CENPO: variants seen among roughly 807,000 people sequenced by gnomAD.
CENPO encodes the protein centromere protein O.
In CENPO, 30 loss-of-function variants were observed where a neutral mutation model predicts 36.1. The observed-to-expected ratio is 0.83, with a 90% CI of 0.62 to 1.13. The LOEUF is 1.13. CENPO is among the 50% of genes most tolerant of loss of function. The pLI is 0.00. For synonymous variants in CENPO, 171 were observed against 142.3 expected, an observed-to-expected ratio of 1.20 and a Z score of -1.44; for missense variants, 349 against 357.8, an observed-to-expected ratio of 0.98 and a Z score of 0.20.
rs1667291542 is a variant in CENPO at position 24,819,929 on chromosome 2, C to T, written c.*611C>T. On this transcript the variant is annotated 3_prime_UTR_variant, in exon 8 of 8. Transcript: ENST00000380834. The stretch of plus-strand genomic sequence containing the variant: ...GTTTGGACTGTTGCAGGCTCGAGGC[C>T]ATTCAGGAGTTGTCCACCACCTGGT... The T allele has an allele frequency of 1.2e-6, 2 of 1,613,062 alleles. No homozygotes were observed. The highest frequency in any genetic ancestry group is 1.3e-5 in the African/African-American group (1 of 74,816).
intron 3 of CENPO, among the ~76,000 whole-genome samples, chr2:24,805,526 T>C (rs1002227824): frequency 6.6e-6 from 1 of 152,216 alleles, no homozygotes; most frequent in Admixed American, 6.5e-5. Flanking sequence ...TTTCTGTTTG[T>C]TAGTTTTCCT....
chr2:24,812,140 CTT>C (rs1280652770), intron 3 of CENPO, among the ~76,000 whole-genome samples: 2 of 152,098 alleles, frequency 1.3e-5, no homozygotes, highest in East Asian at 3.8e-4. Context: ...CTGAAGACAT[CTT>C]TATTTCACTA....
At chr2:24,807,395 C>T (rs1172994572) in intron 3 of CENPO, among the ~76,000 whole-genome samples, 1 of 152,176 alleles carries the variant, frequency 6.6e-6, no homozygotes, top group African/African-American at 2.4e-5. Flanking sequence ...TTAAAAAGTA[C>T]AAACTCTTAT....
At position 24,819,740 on chromosome 2, in the gene CENPO, A is replaced by C; in HGVS notation, c.*422A>C. On this transcript the variant is annotated 3_prime_UTR_variant, in exon 8 of 8. Transcript: ENST00000380834. ...TATGCCTAAGACCCCTATGCTGGGG[A>C]CACTACAGGCACACACAGGAATAGC... 1 of 610,252 alleles carries C rather than the reference A, an allele frequency of 1.6e-6. No homozygotes were observed. Among genetic ancestry groups the C allele is most frequent in the East Asian group, 3.0e-5 (1 of 33,478 alleles). 37.8% of individuals were successfully genotyped at this position (610,252 alleles called of 1,614,324 possible).
intron 3 of CENPO, among the ~76,000 whole-genome samples, chr2:24,810,510 T>C (rs962552037): frequency 2.0e-5 from 3 of 149,926 alleles, no homozygotes; most frequent in Non-Finnish European, 4.5e-5. Flanking sequence ...TAAGGTTTTT[T>C]TTTTTTTTTT....
At chr2:24,814,701 C>G in intron 4 of CENPO, 1 of 545,970 alleles carries the variant, frequency 1.8e-6, no homozygotes, top group Admixed American at 3.1e-5. Flanking sequence ...ATTGACTGGC[C>G]CCTTTGTACA....
chr2:24,804,232 A>G (rs7420918), intron 3 of CENPO, among the ~76,000 whole-genome samples: 85,424 of 151,892 alleles, frequency 0.56, 26,022 homozygotes, highest in East Asian at 0.81. Context: ...GTCTCTGCAC[A>G]TGAGATGGGT....
At chr2:24,797,844 CTG>C (rs1408171285) in intron 2 of CENPO, among the ~76,000 whole-genome samples, 1 of 152,142 alleles carries the variant, frequency 6.6e-6, no homozygotes, top group Admixed American at 6.5e-5. Flanking sequence ...ATGGATATCA[CTG>C]TTGATCTTAG....
At chr2:24,810,834 T>A (rs1666643259) in intron 3 of CENPO, among the ~76,000 whole-genome samples, 1 of 152,198 alleles carries the variant, frequency 6.6e-6, no homozygotes. Flanking sequence ...TCTGTCTTTC[T>A]GCTTCCAATC....
In CENPO at chr2:24,816,771, G is replaced by C. The variant is rs369166234; in HGVS notation, c.720G>C (p.Lys240Asn). Residue 240 changes from lysine to asparagine, a missense_variant, in exon 6 of 8, where the codon AAG (lysine) becomes AAC (asparagine). Lys to Asn is a moderately conservative substitution (Grantham distance 94, BLOSUM62 0). Transcript: ENST00000380834. ...SFPFCARLLY[K>N]DLTATLPTDV... Reference sequence around the variant, plus strand: ...CGTTCTGTGCTAGATTGCTGTATAAGGACCTCACAGCAACTCTTCCCACTG... The same window carrying C: ...CGTTCTGTGCTAGATTGCTGTATAACGACCTCACAGCAACTCTTCCCACTG... 6.2e-6 allele frequency: 10 copies of C among 1,609,660 alleles called. No homozygotes were observed. The African/African-American group carries it at 1.3e-4, about 22-fold the overall frequency.
Position 24,814,391 on chromosome 2 carries a change from G to C in CENPO, c.232G>C (p.Ala78Pro), listed in dbSNP as rs1475057610. The C allele has an allele frequency of 8.9e-6, 14 of 1,573,924 alleles. No homozygotes were observed. The highest frequency in any genetic ancestry group is 1.3e-5 in the African/African-American group (1 of 74,122). The change falls in exon 4 of 8, where the codon GCC becomes CCC. Residue 78 changes from alanine (A) to proline (P), a missense_variant. Transcript: ENST00000380834. ...HRRASVKACI[A>P]NVEPNQTVEI... The stretch of plus-strand genomic sequence containing the variant: ...TATCTTGCAGGTGAAAGCATGTATT[G>C]CCAATGTAGAACCCAACCAAACAGT...
chr2:24,815,781 C>G (rs201667046), intron 5 of CENPO, 25 bp downstream of exon 5: 2 of 1,609,192 alleles, frequency 1.2e-6, no homozygotes, highest in Non-Finnish European at 1.7e-6. Context: ...TGTTATATGC[C>G]TCATCCGTGG....
Position 24,819,972 on chromosome 2 carries a change from G to A in CENPO, c.*654G>A. On this transcript the variant is annotated 3_prime_UTR_variant, in exon 8 of 8. Coordinates refer to ENST00000380834, the MANE Select transcript of CENPO (RefSeq NM_001322101.2). ...CACCTGGTGGGGCAGTGTGACAGAG[G>A]GGCCATTGGGGAAGGTGGCTAGCTT... is the stretch of plus-strand genomic sequence containing the variant. 1.2e-6 allele frequency: 2 copies of A among 1,613,770 alleles called. No homozygotes were observed. The highest frequency in any genetic ancestry group is 8.5e-7 in the Non-Finnish European group (1 of 1,179,862).
intron 2 of CENPO, 26 bp downstream of exon 2, chr2:24,793,991 CCTG>C (rs1665764423): frequency 1.3e-6 from 2 of 1,539,850 alleles, no homozygotes; most frequent in South Asian, 2.2e-5. Flanking sequence ...CCGCCTCCTT[CCTG>C]CTGCTGCCCA....
intron 3 of CENPO, among the ~76,000 whole-genome samples, chr2:24,812,840 C>T (rs77872657): frequency 0.045 from 6,696 of 147,284 alleles, 231 homozygotes; most frequent in Middle Eastern, 0.067. Flanking sequence ...GGCATCTGTT[C>T]TGTTGTCTTC....
chr2:24,799,722 C>T lies in CENPO; in HGVS notation c.94C>T (p.Arg32Cys), dbSNP rs143782986. ...ERLETQVSRS[R>C]KQSEELQSVQ... ...GCTAGAGACCCAAGTGAGCAGATCC[C>T]GTAAACAGTCTGAAGAGCTGCAGAG... The change falls in exon 3 of 8, where the codon CGT (arginine) becomes TGT (cysteine). Residue 32 changes from arginine (R) to cysteine (C), a missense_variant. Arg to Cys is a radical substitution (Grantham distance 180). Transcript: ENST00000380834. The T allele has an allele frequency of 4.0e-5, 65 of 1,614,034 alleles. No homozygotes were observed. In the African/African-American group the frequency reaches 7.2e-4, roughly 18 times the overall value.
At chr2:24,816,020 G>C (rs373115571) in intron 5 of CENPO, 1 of 462,344 alleles carries the variant, frequency 2.2e-6, no homozygotes, top group South Asian at 2.3e-5. Context: ...AGATTGTACA[G>C]AGTGCAGTTG....
chr2:24,820,277 G>C lies in CENPO; in HGVS notation c.*959G>C. On this transcript the variant is annotated 3_prime_UTR_variant, in exon 8 of 8. Coordinates refer to ENST00000380834, the MANE Select transcript of CENPO (RefSeq NM_001322101.2). ...GGCCAAGCCCTTCCACCCGTGGCGA[G>C]CAGCGGGTGGGAAGGAGAACCCTGG... is the stretch of plus-strand genomic sequence containing the variant. 1 of 1,235,710 alleles carries C rather than the reference G, an allele frequency of 8.1e-7. No individual in the cohort carries two copies. Among genetic ancestry groups the C allele is most frequent in the Non-Finnish European group, 1.1e-6 (1 of 948,718 alleles). The allele number at this position is 1,235,710 out of a possible 1,614,324, so 76.5% of individuals were successfully genotyped here.
chr2:24,821,715 GT>G lies in CENPO; in HGVS notation c.*2398del. On this transcript the variant is annotated 3_prime_UTR_variant, in exon 8 of 8. Coordinates refer to ENST00000380834, the MANE Select transcript of CENPO (RefSeq NM_001322101.2). ...GCCTGCTCTGCTGCCTTCCCTGGCA[GT>G]GTTCTGGGGGTGGATTCCCTACACC... 2 of 1,572,948 alleles carry G rather than the reference GT, an allele frequency of 1.3e-6. No homozygotes were observed. The highest frequency in any genetic ancestry group is 1.7e-6 in the Non-Finnish European group (2 of 1,158,466).
Sources: gnomAD v4.1 joint callset for allele counts (sites outside exome capture counted in the v4.1 genomes callset) on GRCh38, gnomAD v4.1.1 for gene constraint, MANE v1.5 for transcripts, NCBI Gene and HGNC (gene_info 2026-07-23, HGNC 2026-07-21) for gene names.